FBF1: variants seen among roughly 807,000 people sequenced by gnomAD.
FBF1 encodes the protein fas-binding factor 1.
FBF1 carries 119 observed loss-of-function variants against 147.2 expected under a neutral mutation model. That is an observed-to-expected ratio of 0.81 (90% confidence interval 0.70 to 0.94). The LOEUF is 0.94. Ranked by LOEUF, FBF1 falls within the 40% of genes least tolerant of loss-of-function variation. The pLI, the probability that FBF1 is intolerant of heterozygous loss-of-function variation, is 0.00. For synonymous variants in FBF1, 601 were observed against 609.0 expected (o/e 0.99, Z 0.19); for missense variants, 1,449 against 1,500.8 (o/e 0.97, Z 0.57).
Position 75,919,948 on chromosome 17 carries a change from G to GGGT in FBF1, c.1931+56_1931+58dup. ...GCCTAAAGGCCTCTCCAGGCACACT[G>GGGT]GGTGGCCTTTGGGGTCAGTGTGAGA... On this transcript the variant is annotated intron_variant, in intron 19 of 29. Coordinates refer to ENST00000636174, the MANE Select transcript of FBF1 (RefSeq NM_001319193.2). This position sits in a 1 kb window ranked among gnomAD's most constrained non-coding sequence, Gnocchi z 5.0. 1.2e-6 allele frequency: 2 copies of GGGT among 1,610,784 alleles called. No homozygotes were observed. Among genetic ancestry groups the GGGT allele is most frequent in the Non-Finnish European group, 1.7e-6 (2 of 1,177,764 alleles).
intron 3 of FBF1, among the ~76,000 whole-genome samples, 155 bp from the exon 4 acceptor site, chr17:75,935,828 T>A (rs1258858993): frequency 6.6e-6 from 1 of 152,094 alleles, no homozygotes; most frequent in East Asian, 1.9e-4. Flanking sequence ...GTTTTACAAG[T>A]TTCTGGCAAC....
intron 13 of FBF1, among the ~76,000 whole-genome samples, chr17:75,924,840 T>G (rs999964097): frequency 5.9e-5 from 9 of 152,148 alleles, no homozygotes; most frequent in Non-Finnish European, 1.0e-4. Context: ...GCAAAAGAAC[T>G]CCAAACTCAG....
At position 75,921,460 on chromosome 17, in the gene FBF1, C is replaced by T. The variant is rs759319894; in HGVS notation, c.1615+12G>A. ...TTAAACTCCCAAATGAAGCAGCAAA[C>T]AAAAAACAAACCAGTGGCTGAGAGG... On this transcript the variant is annotated intron_variant, in intron 16 of 29. Coordinates refer to ENST00000636174, the MANE Select transcript of FBF1 (RefSeq NM_001319193.2). The T allele has an allele frequency of 1.9e-6, 3 of 1,609,952 alleles. No homozygotes were observed. Among genetic ancestry groups the T allele is most frequent in the South Asian group, 2.2e-5 (2 of 90,310 alleles).
At position 75,928,757 on chromosome 17, in the gene FBF1, G is replaced by A. The variant is rs1010724542; in HGVS notation, c.280-564C>T. Among the ~76,000 whole-genome samples, 2 of 151,954 alleles carry A rather than the reference G, an allele frequency of 1.3e-5. No homozygotes were observed. The highest frequency in any genetic ancestry group is 4.8e-5 in the African/African-American group (2 of 41,344). ...TGGGAGGTGGAGGTTGCAGTGAGCC[G>A]AGATCATGCCACTGCACTCCAGCCT... On this transcript the variant is annotated intron_variant, in intron 7 of 29. Coordinates refer to ENST00000636174, the MANE Select transcript of FBF1 (RefSeq NM_001319193.2). This position sits in a 1 kb window ranked among gnomAD's most constrained non-coding sequence, Gnocchi z 4.2.
At chr17:75,917,599 A>C in intron 23 of FBF1, 133 bp downstream of exon 23, 4 of 792,822 alleles carry the variant, frequency 5.0e-6, no homozygotes. Context: ...GGAGATGTAG[A>C]GGCAGGAAGC....
chr17:75,920,391 C>T lies in FBF1; in HGVS notation c.1713G>A (p.Pro571=), dbSNP rs199637397. 145 of 1,606,336 alleles carry T rather than the reference C, an allele frequency of 9.0e-5. 5 individuals are homozygous for T. In the East Asian group the frequency reaches 2.1e-3, roughly 23 times the overall value. Residue 571 remains proline (P), a synonymous_variant, in exon 18 of 30, where the codon CCG becomes CCA. Coordinates refer to ENST00000636174, the MANE Select transcript of FBF1 (RefSeq NM_001319193.2). Reference sequence around the variant, plus strand: ...GGAGCTGCTTCTGGTATTCTGTGCTCGGCAGCAGGCTCCGGGCCAGGGACT... The same window carrying T: ...GGAGCTGCTTCTGGTATTCTGTGCTTGGCAGCAGGCTCCGGGCCAGGGACT... ...LPESLARSLL[P]STEYQKQLLA...
At chr17:75,915,779 C>T (rs567779146) in intron 23 of FBF1, among the ~76,000 whole-genome samples, 31 of 151,828 alleles carry the variant, frequency 2.0e-4, no homozygotes, top group African/African-American at 6.3e-4. Flanking sequence ...GAGGCTGAGA[C>T]GGGTGGATCA....
At chr17:75,929,868 A>G in intron 7 of FBF1, 129 bp downstream of exon 7, 1 of 826,734 alleles carries the variant, frequency 1.2e-6, no homozygotes, top group Non-Finnish European at 2.0e-6. Context: ...CCATGCTTGC[A>G]CGAGGAAGGG....
chr17:75,911,045 T>C (rs962148540), intron 29 of FBF1, among the ~76,000 whole-genome samples: 3 of 152,154 alleles, frequency 2.0e-5, no homozygotes, highest in Non-Finnish European at 4.4e-5. Context: ...TGACTTCATG[T>C]CTCTAAGCCT....
At chr17:75,932,934 A>G (rs1598161300) in intron 5 of FBF1, 61 bp downstream of exon 5, 1 of 1,011,624 alleles carries the variant, frequency 9.9e-7, no homozygotes, top group Non-Finnish European at 1.4e-6. Context: ...TGGGGGGTGG[A>G]GGGGCAGAGA....
chr17:75,914,030 C>A lies in FBF1; in HGVS notation c.3012G>T (p.Glu1004Asp), dbSNP rs1310935961. ...SMSKVASEKYEEGERALREAQ... is the reference protein window; with the variant it reads ...SMSKVASEKYDEGERALREAQ... ...CCTCGCGCAATGCCCGCTCCCCCTCCTCGTACTTCTCGGAGGCCACCTGCA... is the reference window on the plus strand; with the variant it reads ...CCTCGCGCAATGCCCGCTCCCCCTCATCGTACTTCTCGGAGGCCACCTGCA... Residue 1004 changes from glutamate to aspartate, a missense_variant, in exon 27 of 30, where the codon GAG becomes GAT. By Grantham distance (45) the Glu-to-Asp change is conservative. Transcript: ENST00000636174. 2 of 1,587,944 alleles carry A rather than the reference C, an allele frequency of 1.3e-6. 1 individual carries two copies. The highest frequency in any genetic ancestry group is 3.4e-5 in the Admixed American group (2 of 58,532).
rs1007284495 is a variant in FBF1 at position 75,919,371 on chromosome 17, G to A, written c.2138+297C>T. Among the ~76,000 whole-genome samples, 3 of 152,254 alleles carry A rather than the reference G, an allele frequency of 2.0e-5. No homozygotes were observed. The highest frequency in any genetic ancestry group is 2.1e-4 in the South Asian group (1 of 4,838). ...CTTGTTTCTAGCCTCTACTGCATGAGCAGGCGAGTGGATGACCCTGTGCTT... is the reference window on the plus strand; with the variant it reads ...CTTGTTTCTAGCCTCTACTGCATGAACAGGCGAGTGGATGACCCTGTGCTT... On this transcript the variant is annotated intron_variant, in intron 20 of 29. Transcript: ENST00000636174. The surrounding 1 kb of genome is among the most constrained non-coding windows in gnomAD (Gnocchi z 5.0).
In FBF1 at chr17:75,927,005, T is replaced by C. The variant is rs1375409034; in HGVS notation, c.476-128A>G. ...CAGTACATAAACAAGCCCCCTGGCA[T>C]CTGGAGGGTGGGGCCTGGGGCAACG... On this transcript the variant is annotated intron_variant, in intron 9 of 29. Coordinates refer to ENST00000636174, the MANE Select transcript of FBF1 (RefSeq NM_001319193.2). The C allele has an allele frequency of 3.0e-6, 4 of 1,329,610 alleles. No individual in the cohort carries two copies. The East Asian group carries it at 1.0e-4, about 34-fold the overall frequency. 82.4% of individuals were successfully genotyped at this position (1,329,610 alleles called of 1,614,324 possible). A position where few individuals can be genotyped will look rare whatever the true frequency, so the allele number is the denominator to read the frequency against.
chr17:75,926,427 C>A lies in FBF1; in HGVS notation c.596-1G>T. Reference sequence around the variant, plus strand: ...CCAGGAGTTAGAGGAATAGAGGGACCTGAAAGACAAAACAAGGCCCAATGC... The same window carrying A: ...CCAGGAGTTAGAGGAATAGAGGGACATGAAAGACAAAACAAGGCCCAATGC... On this transcript the variant is annotated splice_acceptor_variant, in intron 10 of 29. Transcript: ENST00000636174. LOFTEE classifies it high-confidence loss of function. 1 of 1,557,932 alleles carries A rather than the reference C, an allele frequency of 6.4e-7. No individual in the cohort carries two copies. Among genetic ancestry groups the A allele is most frequent in the Admixed American group, 2.0e-5 (1 of 51,016 alleles).
intron 23 of FBF1, among the ~76,000 whole-genome samples, chr17:75,917,175 G>A (rs1292824712): frequency 1.3e-5 from 2 of 152,146 alleles, no homozygotes; most frequent in Non-Finnish European, 2.9e-5. Context: ...GTCTCGCTAG[G>A]CTGGTCTCAA....
In FBF1 at chr17:75,920,435, G is replaced by A. The variant is rs926575508; in HGVS notation, c.1675-6C>T. ...AGGGACTCTGGGAGCAGGGGCTGGA[G>A]GAGAGGAAGAGAGGTGTTTCTAGTT... On this transcript the variant is annotated splice_region_variant and splice_polypyrimidine_tract_variant and intron_variant, in intron 17 of 29. Transcript: ENST00000636174. The A allele has an allele frequency of 3.7e-6, 6 of 1,603,224 alleles. No individual in the cohort carries two copies. The highest frequency in any genetic ancestry group is 4.3e-6 in the Non-Finnish European group (5 of 1,175,442).
intron 7 of FBF1, 52 bp downstream of exon 7, chr17:75,929,945 A>AGGGGGGGCCCCCCCCCCCCCCC: frequency 3.1e-6 from 2 of 650,896 alleles, no homozygotes; most frequent in African/African-American, 2.0e-5. Context: ...AAATATCATG[A>AGGGGGGGCCCCCCCCCCCCCCC]CCCCACCCCA....
In FBF1 at chr17:75,938,213, C is replaced by A. The variant is rs2065637160; in HGVS notation, c.-64G>T. On this transcript the variant is annotated 5_prime_UTR_variant, in exon 2 of 30. Transcript: ENST00000636174. ...ACTGGCCAGCTCATCTGGATTCTGC[C>A]CACATCAGGCTCATACTCCCTAATG... 1.2e-6 allele frequency: 2 copies of A among 1,609,826 alleles called. No individual in the cohort carries two copies. Among genetic ancestry groups the A allele is most frequent in the African/African-American group, 1.3e-5 (1 of 74,932 alleles).
Position 75,921,329 on chromosome 17 carries a change from A to G in FBF1, c.1616-27T>C, listed in dbSNP as rs368058536. The G allele has an allele frequency of 5.3e-5, 84 of 1,577,048 alleles. 1 individual carries two copies. In the African/African-American group the frequency reaches 1.0e-3, roughly 19 times the overall value. ...TGAAACATCAACAACAGAGAAATGA[A>G]CAGGAGGCCCAGGGCACTGGGCCTG... On this transcript the variant is annotated intron_variant, in intron 16 of 29. Transcript: ENST00000636174.
Sources: allele counts gnomAD v4.1 joint callset (sites outside exome capture counted in the v4.1 genomes callset), GRCh38; gene constraint gnomAD v4.1.1; non-coding constraint Gnocchi (gnomAD v3.1); transcripts MANE v1.5; gene names NCBI Gene and HGNC (gene_info 2026-07-23, HGNC 2026-07-21).